The following ALKBH3 variants were observed in gnomAD, a reference collection of about 807,000 sequenced individuals.
ALKBH3 encodes the protein alkB homolog 3, alpha-ketoglutarate dependent dioxygenase, also known as alpha-ketoglutarate-dependent dioxygenase alkB homolog 3.
ALKBH3 carries 51 observed loss-of-function variants against 43.9 expected under a neutral mutation model. The observed-to-expected ratio is 1.16, with a 90% CI of 0.93 to 1.47. The LOEUF (loss-of-function observed/expected upper bound fraction) is 1.47. Among genes scored for constraint, ALKBH3 ranks in the 40% most tolerant of loss-of-function variants. The pLI is 0.00. For synonymous variants in ALKBH3, 102 were observed against 115.2 expected, an observed-to-expected ratio of 0.89 and a Z score of 0.73; for missense variants, 361 against 351.9, an observed-to-expected ratio of 1.03 and a Z score of -0.21.
chr11:43,914,901 T>C (rs1398250011), intron 8 of ALKBH3, among the ~76,000 whole-genome samples: 1 of 149,606 alleles, frequency 6.7e-6, no homozygotes, highest in Non-Finnish European at 1.5e-5. Flanking sequence ...GCAAACAGAA[T>C]GAAAAAAAAA....
At chr11:43,905,692 GCTTATCAAATATA>G (rs1951891467) in intron 8 of ALKBH3, among the ~76,000 whole-genome samples, 1 of 152,122 alleles carries the variant, frequency 6.6e-6, no homozygotes, top group Admixed American at 6.6e-5. Context: ...CTGTCATAAA[GCTTATCAAATATA>G]CTTCAGTAGA....
In ALKBH3 at chr11:43,919,061, T is replaced by C; in HGVS notation, c.693T>C (p.Tyr231=). 1 of 1,611,268 alleles carries C rather than the reference T, an allele frequency of 6.2e-7. No individual in the cohort carries two copies. The highest frequency in any genetic ancestry group is 2.2e-5 in the East Asian group (1 of 44,872). ...PPPEENGDYT[Y]VERVKIPLDH... is the part of the protein sequence containing the mutation. Reference sequence around the variant, plus strand: ...AGGAAGAGAATGGAGACTACACATATGTGGAAAGAGTGAAGATACCCTTGG... The same window carrying C: ...AGGAAGAGAATGGAGACTACACATACGTGGAAAGAGTGAAGATACCCTTGG... The change falls in exon 9 of 10, where the codon TAT becomes TAC. Residue 231 remains tyrosine (Y), a synonymous_variant. Transcript: ENST00000302708.
intron 1 of ALKBH3, 69 bp from the exon 2 acceptor site, chr11:43,882,514 A>G (rs1951718789): frequency 1.5e-6 from 1 of 652,672 alleles, no homozygotes; most frequent in Non-Finnish European, 2.5e-6. Context: ...CCTGAAATTA[A>G]TTATGCCTTA....
At chr11:43,904,663 A>C (rs1215486152) in intron 8 of ALKBH3, among the ~76,000 whole-genome samples, 1 of 152,190 alleles carries the variant, frequency 6.6e-6, no homozygotes, top group African/African-American at 2.4e-5. Flanking sequence ...TGGCCTTGGA[A>C]ATATACCTTA....
chr11:43,910,172 C>A (rs1181235281), intron 8 of ALKBH3: 1 of 152,256 alleles, frequency 6.6e-6, no homozygotes, highest in East Asian at 1.9e-4. Context: ...TACATTCAAC[C>A]CCTTAAATAT....
intron 8 of ALKBH3, among the ~76,000 whole-genome samples, chr11:43,905,757 A>G (rs552657651): frequency 7.2e-5 from 11 of 152,308 alleles, no homozygotes; most frequent in Admixed American, 5.2e-4. Flanking sequence ...AAGGTTTTCT[A>G]TACTTCTTGT....
At chr11:43,909,126 C>T (rs1951917854) in intron 8 of ALKBH3, among the ~76,000 whole-genome samples, 1 of 152,214 alleles carries the variant, frequency 6.6e-6, no homozygotes, top group African/African-American at 2.4e-5. Context: ...GAACCAATAA[C>T]CTCAGTGACT....
chr11:43,891,838 G>A (rs1271867321), intron 6 of ALKBH3, among the ~76,000 whole-genome samples: 1 of 152,176 alleles, frequency 6.6e-6, no homozygotes, highest in Non-Finnish European at 1.5e-5. Context: ...TGCCCATGTG[G>A]TGTCTGCCAA....
chr11:43,892,238 T>G (rs1951789136), intron 7 of ALKBH3, 109 bp downstream of exon 7: 1 of 888,554 alleles, frequency 1.1e-6, no homozygotes, highest in Admixed American at 2.7e-5. Flanking sequence ...GGTTCCTAGT[T>G]CAAAAAACCT....
rs538603310 is a variant in ALKBH3, at chr11:43,883,966, C to A, written c.184-17C>A. 6.2e-7 allele frequency: 1 copy of A among 1,612,836 alleles called. No homozygotes were observed. Among genetic ancestry groups the A allele is most frequent in the South Asian group, 1.1e-5 (1 of 90,940 alleles). ...TTAAGAACATCCCAGAAGTAAGATCCGCCTATTTCCTTGCAGGTAGTACGT... is the reference window on the plus strand; with the variant it reads ...TTAAGAACATCCCAGAAGTAAGATCAGCCTATTTCCTTGCAGGTAGTACGT... On this transcript the variant is annotated splice_polypyrimidine_tract_variant and intron_variant, in intron 3 of 9. Transcript: ENST00000302708.
rs141558124 is a variant in ALKBH3, at chr11:43,883,986, G to C, written c.187G>C (p.Val63Leu). ...AGATCCGCCTATTTCCTTGCAGGTAGTACGTAGAGCTCCTGAGCCACGAGT... is the reference window on the plus strand; with the variant it reads ...AGATCCGCCTATTTCCTTGCAGGTACTACGTAGAGCTCCTGAGCCACGAGT... Reference protein sequence around the residue: ...EFVFKEPQQVVRRAPEPRVID... With the variant: ...EFVFKEPQQVLRRAPEPRVID... The change falls in exon 4 of 10, where the codon GTA (valine) becomes CTA (leucine). Residue 63 changes from valine (V) to leucine (L), a missense_variant. Coordinates refer to ENST00000302708, the MANE Select transcript of ALKBH3 (RefSeq NM_139178.4). The C allele has an allele frequency of 9.3e-5, 150 of 1,613,746 alleles. No individual in the cohort carries two copies. The highest frequency in any genetic ancestry group is 1.1e-4 in the Non-Finnish European group (135 of 1,179,858).
At chr11:43,893,835 A>T (rs913026686) in intron 7 of ALKBH3, among the ~76,000 whole-genome samples, 1 of 152,156 alleles carries the variant, frequency 6.6e-6, no homozygotes, top group Non-Finnish European at 1.5e-5. Flanking sequence ...GTTCATTTAT[A>T]TACTGTCTTG....
chr11:43,894,499 A>T (rs1422837427), intron 7 of ALKBH3, among the ~76,000 whole-genome samples: 2 of 152,210 alleles, frequency 1.3e-5, no homozygotes, highest in Admixed American at 1.3e-4. Flanking sequence ...CTAGTTCATT[A>T]TCCCCTTTTT....
Position 43,890,702 on chromosome 11 carries a change from A to G in ALKBH3, c.370+874A>G, listed in dbSNP as rs193116096. Among the ~76,000 whole-genome samples the G allele has an allele frequency of 1.3e-3, 200 of 152,198 alleles. 1 individual carries two copies. The highest frequency in any genetic ancestry group is 4.6e-3 in the African/African-American group (191 of 41,504). ...AACATGATGAAACCCCATCTCTACTAACAATACAAAAATTAGCCAGGCATG... is the reference window on the plus strand; with the variant it reads ...AACATGATGAAACCCCATCTCTACTGACAATACAAAAATTAGCCAGGCATG... On this transcript the variant is annotated intron_variant, in intron 6 of 9. Transcript: ENST00000302708.
At chr11:43,882,171 G>T (rs1951716087) in intron 1 of ALKBH3, among the ~76,000 whole-genome samples, 1 of 152,102 alleles carries the variant, frequency 6.6e-6, no homozygotes, top group Admixed American at 6.5e-5. Flanking sequence ...CAAACTTCCA[G>T]GGAAGTTTGA....
chr11:43,886,896 C>T (rs747130559), intron 5 of ALKBH3, among the ~76,000 whole-genome samples: 10 of 151,830 alleles, frequency 6.6e-5, no homozygotes, highest in East Asian at 1.9e-4. Context: ...AAGTGGGAGC[C>T]GAATGATGAG....
At chr11:43,889,385 A>G (rs1233918766) in intron 5 of ALKBH3, among the ~76,000 whole-genome samples, 2 of 152,238 alleles carry the variant, frequency 1.3e-5, no homozygotes, top group South Asian at 2.1e-4. Context: ...CAGGTTACAG[A>G]TGAGAAAACC....
intron 4 of ALKBH3, among the ~76,000 whole-genome samples, chr11:43,885,524 G>A (rs2434481): frequency 0.6 from 90,683 of 152,074 alleles, 27,635 homozygotes; most frequent in East Asian, 0.72. Flanking sequence ...CTGCCCCTTC[G>A]TGTTCTCTAT....
intron 7 of ALKBH3, among the ~76,000 whole-genome samples, chr11:43,899,906 T>C (rs1046332560): frequency 3.1e-4 from 47 of 150,988 alleles, no homozygotes; most frequent in Non-Finnish European, 5.7e-4. Context: ...CAGTACTTGT[T>C]GAGTTTTGGT....
Sources: allele counts gnomAD v4.1 joint callset (sites outside exome capture counted in the v4.1 genomes callset), GRCh38; gene constraint gnomAD v4.1.1; transcripts MANE v1.5; gene names NCBI Gene and HGNC (gene_info 2026-07-23, HGNC 2026-07-21).